Variants in SPMAP2L observed in about 807,000 individuals in gnomAD.
The protein encoded by SPMAP2L is sperm microtubule associated protein 2-like.
the SPMAP2L span, among the ~76,000 whole-genome samples, chr4:56,605,381 A>T: frequency 6.6e-6 from 1 of 152,208 alleles, no homozygotes; most frequent in African/African-American, 2.4e-5. Flanking sequence ...TCATTAGAAT[A>T]TTCACCAATA....
the SPMAP2L span, among the ~76,000 whole-genome samples, chr4:56,577,552 C>G: frequency 6.6e-6 from 1 of 151,942 alleles, no homozygotes; most frequent in African/African-American, 2.4e-5. Flanking sequence ...CGCCACTGTA[C>G]TCCAGCCTGA....
chr4:56,616,165 C>T, the SPMAP2L span, among the ~76,000 whole-genome samples: 1 of 152,136 alleles, frequency 6.6e-6, no homozygotes, highest in Non-Finnish European at 1.5e-5. Flanking sequence ...CTGGAGGCTG[C>T]AAGTCTGAGA....
At chr4:56,625,397 G>A in the SPMAP2L span, among the ~76,000 whole-genome samples, 3 of 152,174 alleles carry the variant, frequency 2.0e-5, no homozygotes, top group African/African-American at 7.2e-5. Context: ...TGTTGGGAAG[G>A]CATGATTGGT....
chr4:56,544,470 T>A, the SPMAP2L span, among the ~76,000 whole-genome samples: 1 of 152,224 alleles, frequency 6.6e-6, no homozygotes, highest in Admixed American at 6.5e-5. Context: ...CTATTTTTTT[T>A]AACTTAGTTT....
the SPMAP2L span, among the ~76,000 whole-genome samples, chr4:56,577,897 A>G: frequency 6.6e-6 from 1 of 152,264 alleles, no homozygotes; most frequent in South Asian, 2.1e-4. Flanking sequence ...AGGCAGGAGA[A>G]TTGCTTGAGC....
chr4:56,535,561 C>T, the SPMAP2L span, among the ~76,000 whole-genome samples: 1 of 152,232 alleles, frequency 6.6e-6, no homozygotes, highest in East Asian at 1.9e-4. Context: ...TTAAGAGGGA[C>T]AGGAATTGCT....
the SPMAP2L span, chr4:56,601,255 G>A: frequency 6.6e-3 from 5,747 of 869,516 alleles, 198 homozygotes; most frequent in African/African-American, 0.078. Flanking sequence ...TACATTTATT[G>A]TGATACATCT....
chr4:56,594,045 T>C, the SPMAP2L span: 3 of 1,611,496 alleles, frequency 1.9e-6, no homozygotes, highest in Non-Finnish European at 2.5e-6. Context: ...TTTCGGCTTT[T>C]TGAGGATGGC....
At chr4:56,603,249 A>C in the SPMAP2L span, 1 of 1,535,032 alleles carries the variant, frequency 6.5e-7, no homozygotes. Context: ...AGATGTCTTT[A>C]AAACCAAGCC....
the SPMAP2L span, among the ~76,000 whole-genome samples, chr4:56,536,984 G>C: frequency 6.6e-6 from 1 of 152,092 alleles, no homozygotes. Context: ...GGCTGGTCTT[G>C]AACTCCTGAC....
chr4:56,589,001 T>C, the SPMAP2L span, among the ~76,000 whole-genome samples: 2 of 152,070 alleles, frequency 1.3e-5, no homozygotes, highest in Admixed American at 1.3e-4. Flanking sequence ...TTTTTTTTCT[T>C]TTTTTGAAAT....
At chr4:56,542,931 C>T in the SPMAP2L span, among the ~76,000 whole-genome samples, 80 of 152,016 alleles carry the variant, frequency 5.3e-4, no homozygotes, top group African/African-American at 1.8e-3. Context: ...AGACAGGGTC[C>T]CTTTGAACCT....
the SPMAP2L span, among the ~76,000 whole-genome samples, chr4:56,564,010 T>A: frequency 2.6e-5 from 4 of 152,202 alleles, no homozygotes; most frequent in African/African-American, 9.6e-5. Flanking sequence ...GAAGGTTTTT[T>A]AACTATAAAT....
the SPMAP2L span, among the ~76,000 whole-genome samples, chr4:56,538,571 A>C: frequency 6.6e-6 from 1 of 152,168 alleles, no homozygotes; most frequent in East Asian, 1.9e-4. Flanking sequence ...GGGAGGCCTA[A>C]GCAGGCAGAT....
At chr4:56,540,786 G>A in the SPMAP2L span, among the ~76,000 whole-genome samples, 3 of 152,200 alleles carry the variant, frequency 2.0e-5, no homozygotes, top group African/African-American at 7.2e-5. Context: ...CTGGAAGAGT[G>A]GGCTGGGGAA....
At chr4:56,594,574 G>C in the SPMAP2L span, 2 of 1,600,782 alleles carry the variant, frequency 1.2e-6, no homozygotes, top group Non-Finnish European at 1.7e-6. Context: ...AAGGAGAGGG[G>C]CACAGAACGG....
chr4:56,593,626 A>T, the SPMAP2L span: 1 of 1,604,496 alleles, frequency 6.2e-7, no homozygotes, highest in Non-Finnish European at 8.5e-7. Flanking sequence ...TTGGAGTGCC[A>T]CTGGGCTATG....
chr4:56,566,356 G>A, the SPMAP2L span, among the ~76,000 whole-genome samples: 6 of 151,826 alleles, frequency 4.0e-5, no homozygotes, highest in South Asian at 4.2e-4. Context: ...CCACCACCAC[G>A]CCTGGCTAAT....
chr4:56,603,407 A>G, the SPMAP2L span: 3 of 960,242 alleles, frequency 3.1e-6, no homozygotes, highest in Non-Finnish European at 4.4e-6. Context: ...CGGTACTGTC[A>G]GTTTACATTC....
Sources: gnomAD v4.1 joint callset for allele counts (sites outside exome capture counted in the v4.1 genomes callset) on GRCh38, gnomAD v4.1.1 for gene constraint, MANE v1.5 for transcripts, NCBI Gene and HGNC (gene_info 2026-07-23, HGNC 2026-07-21) for gene names.